FGF2: variants seen among roughly 807,000 people sequenced by gnomAD.
The protein encoded by FGF2 is basic fibroblast growth factor bFGF.
Under a neutral mutation model 15.9 loss-of-function variants are expected in FGF2, and 13 were observed. That is an observed-to-expected ratio of 0.82 (90% CI 0.53 to 1.30). The LOEUF (loss-of-function observed/expected upper bound fraction) is 1.30, where lower values mean the gene tolerates loss of function less well. FGF2 is among the 50% of genes most tolerant of loss of function. The pLI, the probability that FGF2 is intolerant of heterozygous loss-of-function variation, is 0.00. For synonymous variants in FGF2, 90 were observed against 78.4 expected (o/e 1.15, Z -0.78); for missense variants, 163 against 196.9 (o/e 0.83, Z 1.03).
chr4:122,844,727 C>A (rs114171408), intron 1 of FGF2, among the ~76,000 whole-genome samples: 1 of 151,632 alleles, frequency 6.6e-6, no homozygotes, highest in Admixed American at 6.6e-5. Context: ...GCCTTGATCT[C>A]CTGGAATCAA....
In FGF2 at chr4:122,897,407, A is replaced by G. The variant is rs1311418479; in HGVS notation, c.*5011A>G. The G allele has an allele frequency of 3.6e-6, 2 of 552,124 alleles. No homozygotes were observed. Among genetic ancestry groups the G allele is most frequent in the Admixed American group, 6.6e-5 (2 of 30,466 alleles). The allele number at this position is 552,124 out of a possible 1,614,324, so 34.2% of individuals were successfully genotyped here. On this transcript the variant is annotated 3_prime_UTR_variant, in exon 3 of 3. Transcript: ENST00000644866. Reference sequence around the variant, plus strand: ...AGTCATAAACAGAAGAATAGGTGGTATGTTCCTAATGATATTATTTCTACT... The same window carrying G: ...AGTCATAAACAGAAGAATAGGTGGTGTGTTCCTAATGATATTATTTCTACT...
chr4:122,832,818 T>G (rs991914531), intron 1 of FGF2, among the ~76,000 whole-genome samples: 4 of 152,230 alleles, frequency 2.6e-5, no homozygotes, highest in Non-Finnish European at 5.9e-5. Flanking sequence ...GTATCCACTG[T>G]TCAGTTAGCT....
intron 2 of FGF2, among the ~76,000 whole-genome samples, chr4:122,891,339 C>T (rs1418152247): frequency 2.6e-5 from 4 of 151,786 alleles, no homozygotes; most frequent in Non-Finnish European, 5.9e-5. Context: ...CGCGCCCGGC[C>T]GAACATTTAT....
intron 1 of FGF2, among the ~76,000 whole-genome samples, chr4:122,833,010 C>A (rs1156899418): frequency 6.6e-6 from 1 of 152,182 alleles, no homozygotes; most frequent in African/African-American, 2.4e-5. Context: ...TAAACACCTT[C>A]AGAATATTTT....
chr4:122,844,800 C>G (rs973798622), intron 1 of FGF2, among the ~76,000 whole-genome samples: 11 of 151,950 alleles, frequency 7.2e-5, no homozygotes, highest in Non-Finnish European at 1.6e-4. Context: ...CCACACCCAG[C>G]TATTTTAAAA....
chr4:122,826,789 G>A (rs201837669), upstream of FGF2: 55 of 1,397,264 alleles, frequency 3.9e-5, 1 homozygote, highest in East Asian at 6.9e-4. Context: ...GTGGGTGTGG[G>A]GGGTGGAGAT....
chr4:122,835,947 C>T (rs1160115238), intron 1 of FGF2, among the ~76,000 whole-genome samples: 1 of 152,188 alleles, frequency 6.6e-6, no homozygotes, highest in African/African-American at 2.4e-5. Flanking sequence ...ATCAATTTCT[C>T]TCTCACAACT....
chr4:122,895,439 G>A lies in FGF2; in HGVS notation c.*3043G>A, dbSNP rs1258150418. Reference sequence around the variant, plus strand: ...TTTGTTATATTTAATAATAGAATTAGATTGAAATAAAATATAATGGGAAAT... The same window carrying A: ...TTTGTTATATTTAATAATAGAATTAAATTGAAATAAAATATAATGGGAAAT... On this transcript the variant is annotated 3_prime_UTR_variant, in exon 3 of 3. Coordinates refer to ENST00000644866, the MANE Select transcript of FGF2 (RefSeq NM_001361665.2). 6.6e-6 allele frequency: 1 copy of A among 152,164 alleles called. No individual in the cohort carries two copies. Among genetic ancestry groups the A allele is most frequent in the Non-Finnish European group, 1.5e-5 (1 of 68,022 alleles). 9.4% of individuals were successfully genotyped at this position (152,164 alleles called of 1,614,324 possible). A position where few individuals can be genotyped will look rare whatever the true frequency, so the allele number is the denominator to read the frequency against.
At chr4:122,860,426 C>T (rs940478722) in intron 1 of FGF2, among the ~76,000 whole-genome samples, 1 of 149,634 alleles carries the variant, frequency 6.7e-6, no homozygotes, top group African/African-American at 2.4e-5. Flanking sequence ...ATACCCTTCA[C>T]CTAGATTTCC....
At chr4:122,891,540 G>A (rs1292723783) in intron 2 of FGF2, among the ~76,000 whole-genome samples, 1 of 151,296 alleles carries the variant, frequency 6.6e-6, no homozygotes, top group Non-Finnish European at 1.5e-5. Context: ...TTGTCTAACA[G>A]TGTTTGGAGA....
At chr4:122,889,204 T>C (rs1727119311) in intron 2 of FGF2, among the ~76,000 whole-genome samples, 1 of 152,198 alleles carries the variant, frequency 6.6e-6, no homozygotes, top group Non-Finnish European at 1.5e-5. Context: ...TTGTGACTTT[T>C]AAAGTATATG....
intron 1 of FGF2, among the ~76,000 whole-genome samples, chr4:122,856,967 T>G (rs1726355061): frequency 6.6e-6 from 1 of 152,234 alleles, no homozygotes; most frequent in African/African-American, 2.4e-5. Flanking sequence ...AAAGACCATT[T>G]AACACATATA....
chr4:122,883,765 A>G lies in FGF2; in HGVS notation c.282+7341A>G, dbSNP rs915021737. Among the ~76,000 whole-genome samples the G allele has an allele frequency of 3.3e-5, 5 of 152,374 alleles. No individual in the cohort carries two copies. The South Asian group carries it at 1.0e-3, about 32-fold the overall frequency. On this transcript the variant is annotated intron_variant, in intron 2 of 2. Transcript: ENST00000644866. The stretch of plus-strand genomic sequence containing the variant: ...GCCAGAAAGTTGCACATTGTTTTCT[A>G]TATAATGCTATATAGATCATGATAT...
At chr4:122,885,913 CTTTTTTTTT>C (rs11310783) in intron 2 of FGF2, among the ~76,000 whole-genome samples, 34 of 84,520 alleles carry the variant, frequency 4.0e-4, no homozygotes, top group Admixed American at 9.4e-4. Context: ...TTTTTTTTTC[CTTTTTTTTT>C]TTTTTTTTTT....
intron 1 of FGF2, among the ~76,000 whole-genome samples, chr4:122,869,154 A>G (rs775217843): frequency 1.3e-5 from 2 of 151,744 alleles, no homozygotes; most frequent in East Asian, 1.9e-4. Context: ...TTTTGTTGCA[A>G]TTGCTTTTGT....
At chr4:122,887,193 A>T (rs1263819108) in intron 2 of FGF2, among the ~76,000 whole-genome samples, 2 of 152,142 alleles carry the variant, frequency 1.3e-5, no homozygotes, top group Admixed American at 6.5e-5. Context: ...GCGCACCTGT[A>T]ATCCCAGCTA....
chr4:122,876,652 G>A (rs923841766), intron 2 of FGF2, among the ~76,000 whole-genome samples: 4 of 152,160 alleles, frequency 2.6e-5, no homozygotes, highest in African/African-American at 9.7e-5. Context: ...ACTGGATTGG[G>A]CTGGAGGCAT....
chr4:122,833,940 T>G (rs1725815504), intron 1 of FGF2, among the ~76,000 whole-genome samples: 2 of 152,224 alleles, frequency 1.3e-5, no homozygotes, highest in South Asian at 4.1e-4. Context: ...AGAACTTTTA[T>G]TGGGAATTCT....
chr4:122,827,387 A>G lies in FGF2; in HGVS notation c.178+35A>G, dbSNP rs779007855. On this transcript the variant is annotated intron_variant, in intron 1 of 2. Coordinates refer to ENST00000644866, the MANE Select transcript of FGF2 (RefSeq NM_001361665.2). This position sits in a 1 kb window ranked among gnomAD's most constrained non-coding sequence, Gnocchi z 4.2. ...GACCCGCTCTCTCCGCCTCATTTCC[A>G]TTTCGTGGGTTCTCGCCCGCTCTCT... 9.3e-6 allele frequency: 15 copies of G among 1,609,066 alleles called. No individual in the cohort carries two copies. The highest frequency in any genetic ancestry group is 1.2e-5 in the Non-Finnish European group (14 of 1,177,520).
Sources: gnomAD v4.1 joint callset for allele counts (sites outside exome capture counted in the v4.1 genomes callset) on GRCh38, gnomAD v4.1.1 for gene constraint, Gnocchi (gnomAD v3.1) non-coding constraint, MANE v1.5 for transcripts, NCBI Gene and HGNC (gene_info 2026-07-23, HGNC 2026-07-21) for gene names.